PHLPP2: variants seen among roughly 807,000 people sequenced by gnomAD.
PHLPP2 encodes the protein PH domain and leucine rich repeat protein phosphatase 2.
A neutral mutation model predicts 124.9 loss-of-function variants in PHLPP2; 66 were observed. The ratio of observed to expected loss-of-function variants is 0.53; its 90% CI spans 0.43 to 0.65. The LOEUF (loss-of-function observed/expected upper bound fraction) is 0.65. Ranked by LOEUF, PHLPP2 falls within the 30% of genes least tolerant of loss-of-function variation. The pLI is 0.00. For synonymous variants in PHLPP2, 681 were observed against 624.7 expected, an observed-to-expected ratio of 1.09 and a Z score of -1.34; for missense variants, 1,685 against 1,600.4, an observed-to-expected ratio of 1.05 and a Z score of -0.90.
chr16:71,714,592 A>C lies in PHLPP2; in HGVS notation c.204T>G (p.Thr68=). 1 of 1,614,180 alleles carries C rather than the reference A, an allele frequency of 6.2e-7. No individual in the cohort carries two copies. The highest frequency in any genetic ancestry group is 8.5e-7 in the Non-Finnish European group (1 of 1,180,008). ...ATATTTCTGATGCTGGTGTCTCTAC[A>C]GTGCAAAGGACGAGATGTAAGTCAG... is the stretch of plus-strand genomic sequence containing the variant. ...SSSDLHLVLC[T]VETPASEICA... Residue 68 remains threonine, a synonymous_variant, in exon 2 of 19, where the codon ACT becomes ACG. Coordinates refer to ENST00000568954, the MANE Select transcript of PHLPP2 (RefSeq NM_015020.3).
chr16:71,661,712 C>G (rs888052569), intron 13 of PHLPP2, among the ~76,000 whole-genome samples: 49 of 152,128 alleles, frequency 3.2e-4, no homozygotes, highest in African/African-American at 1.1e-3. Context: ...CAGTGGTTCA[C>G]ACCTATAATC....
intron 5 of PHLPP2, 102 bp downstream of exon 5, chr16:71,684,374 C>T (rs2045032621): frequency 1.7e-6 from 2 of 1,184,316 alleles, no homozygotes; most frequent in South Asian, 1.3e-5. Context: ...GATCCGTCCA[C>T]CTCGGCCTCC....
chr16:71,650,214 A>G (rs1021170258), intron 18 of PHLPP2, among the ~76,000 whole-genome samples, 170 bp from the exon 19 acceptor site: 5 of 152,238 alleles, frequency 3.3e-5, no homozygotes. Context: ...GAGAAGTCCT[A>G]AAAGACAAAA....
Position 71,655,470 on chromosome 16 carries a change from T to C in PHLPP2, c.2391-36A>G, listed in dbSNP as rs2145308208. Reference sequence around the variant, plus strand: ...AACATGAAAACAGAAAACAGAAAAGTTACTGGTAAAATATTATTCTCCAGG... The same window carrying C: ...AACATGAAAACAGAAAACAGAAAAGCTACTGGTAAAATATTATTCTCCAGG... On this transcript the variant is annotated intron_variant, in intron 16 of 18. Coordinates refer to ENST00000568954, the MANE Select transcript of PHLPP2 (RefSeq NM_015020.3). The C allele has an allele frequency of 2.7e-6, 4 of 1,488,162 alleles. No homozygotes were observed. In the East Asian group the frequency reaches 9.1e-5, roughly 34 times the overall value. The allele number at this position is 1,488,162 out of a possible 1,614,324, so 92.2% of individuals were successfully genotyped here.
At chr16:71,688,239 T>G (rs2045072493) in intron 4 of PHLPP2, among the ~76,000 whole-genome samples, 1 of 152,160 alleles carries the variant, frequency 6.6e-6, no homozygotes, top group South Asian at 2.1e-4. Context: ...TACAAGAGGG[T>G]TCCGCTAGAA....
chr16:71,688,084 G>C (rs780534453), intron 4 of PHLPP2, among the ~76,000 whole-genome samples: 3 of 152,140 alleles, frequency 2.0e-5, no homozygotes, highest in Non-Finnish European at 4.4e-5. Context: ...TCGTATGACT[G>C]CTCCACCTCT....
chr16:71,701,605 A>G (rs1326024841), intron 3 of PHLPP2, among the ~76,000 whole-genome samples: 1 of 152,210 alleles, frequency 6.6e-6, no homozygotes, highest in Admixed American at 6.5e-5. Flanking sequence ...TAGGAAAAGT[A>G]GGGGCATCAG....
At chr16:71,692,505 T>C (rs2045125012) in intron 3 of PHLPP2, among the ~76,000 whole-genome samples, 1 of 152,216 alleles carries the variant, frequency 6.6e-6, no homozygotes, top group Admixed American at 6.5e-5. Flanking sequence ...GCTAGATTAC[T>C]TCAAAGCCTT....
At chr16:71,700,026 G>A (rs1462910204) in intron 3 of PHLPP2, among the ~76,000 whole-genome samples, 1 of 152,214 alleles carries the variant, frequency 6.6e-6, no homozygotes, top group East Asian at 1.9e-4. Flanking sequence ...AAGGGGTTGA[G>A]CGGGGTGGGC....
chr16:71,683,370 G>A (rs1213712765), intron 5 of PHLPP2, among the ~76,000 whole-genome samples: 2 of 152,340 alleles, frequency 1.3e-5, no homozygotes, highest in Admixed American at 1.3e-4. Flanking sequence ...AGGAATAATG[G>A]TTTGTGGCAG....
At chr16:71,684,408 G>A in intron 5 of PHLPP2, 68 bp downstream of exon 5, 1 of 1,540,718 alleles carries the variant, frequency 6.5e-7, no homozygotes, top group Admixed American at 1.7e-5. Flanking sequence ...TTACAGACGT[G>A]AGCCACCACG....
chr16:71,658,458 A>T, intron 14 of PHLPP2, 95 bp from the exon 15 acceptor site: 1 of 1,264,558 alleles, frequency 7.9e-7, no homozygotes, highest in Non-Finnish European at 1.1e-6. Context: ...CCCAAAGAGG[A>T]ACTTAATTTC....
intron 17 of PHLPP2, 42 bp from the exon 18 acceptor site, chr16:71,653,063 T>G: frequency 7.2e-7 from 1 of 1,396,778 alleles, no homozygotes; most frequent in Non-Finnish European, 1.0e-6. Context: ...GTGGCTAGTT[T>G]TAGAAGAAAG....
rs1263020471 is a variant in PHLPP2, at chr16:71,646,624, G to A, written c.*2266C>T. The A allele has an allele frequency of 6.6e-6, 1 of 152,070 alleles. No individual in the cohort carries two copies. The highest frequency in any genetic ancestry group is 2.4e-5 in the African/African-American group (1 of 41,406). 9.4% of individuals were successfully genotyped at this position (152,070 alleles called of 1,614,324 possible). On this transcript the variant is annotated 3_prime_UTR_variant, in exon 19 of 19. Coordinates refer to ENST00000568954, the MANE Select transcript of PHLPP2 (RefSeq NM_015020.3). ...TTTAGACATCACTATTCTACAACCC[G>A]AAGGTTCTGCCATCTAAGTAAGATG...
chr16:71,720,094 C>T (rs1279970020), intron 1 of PHLPP2, among the ~76,000 whole-genome samples: 4 of 151,138 alleles, frequency 2.6e-5, no homozygotes, highest in African/African-American at 4.9e-5. Context: ...CTCAGCCTCC[C>T]GAGTAGCTGG....
At chr16:71,655,473 C>CTGGTAAAAT (rs1296209159) in intron 16 of PHLPP2, 39 bp from the exon 17 acceptor site, 29 of 1,426,460 alleles carry the variant, frequency 2.0e-5, no homozygotes, top group Non-Finnish European at 2.8e-5. Context: ...AGAAAAGTTA[C>CTGGTAAAAT]TGGTAAAATA....
intron 4 of PHLPP2, among the ~76,000 whole-genome samples, chr16:71,686,771 CTTTT>C (rs545788678): frequency 2.8e-5 from 4 of 142,802 alleles, no homozygotes; most frequent in Non-Finnish European, 6.2e-5. Context: ...AGTTCTTTCC[CTTTT>C]TTTTTTTTCG....
At chr16:71,698,978 A>C (rs960521445) in intron 3 of PHLPP2, among the ~76,000 whole-genome samples, 3 of 152,142 alleles carry the variant, frequency 2.0e-5, no homozygotes, top group African/African-American at 7.2e-5. Context: ...TTAACACTAT[A>C]TTCCAAATAA....
Position 71,690,556 on chromosome 16 carries a change from G to C in PHLPP2, c.572C>G (p.Thr191Ser), listed in dbSNP as rs757331662. 16 of 1,611,952 alleles carry C rather than the reference G, an allele frequency of 9.9e-6. No individual in the cohort carries two copies. Among genetic ancestry groups the C allele is most frequent in the Admixed American group, 8.4e-5 (5 of 59,662 alleles). Residue 191 changes from threonine to serine, a missense_variant, in exon 4 of 19, where the codon ACT becomes AGT. Thr to Ser is a moderately conservative substitution (Grantham distance 58, BLOSUM62 1). Transcript: ENST00000568954. Reference sequence around the variant, plus strand: ...CAGAGGCAAAATGTGCATCTTTCCAGTTTGACAATCCTTCACTGAGGAAAC... The same window carrying C: ...CAGAGGCAAAATGTGCATCTTTCCACTTTGACAATCCTTCACTGAGGAAAC... Reference protein sequence around the residue: ...LIVSSVKDCQTGKMHILPLVG... With the variant: ...LIVSSVKDCQSGKMHILPLVG...
Sources: allele counts gnomAD v4.1 joint callset (sites outside exome capture counted in the v4.1 genomes callset), GRCh38; gene constraint gnomAD v4.1.1; transcripts MANE v1.5; gene names NCBI Gene and HGNC (gene_info 2026-07-23, HGNC 2026-07-21).